The following SMPD4 variants were observed in gnomAD, a reference collection of about 807,000 sequenced individuals.
SMPD4 encodes neutral sphingomyelinase 3.
Under a neutral mutation model 97.8 loss-of-function variants are expected in SMPD4, and 58 were observed. The ratio of observed to expected loss-of-function variants is 0.59; its 90% CI spans 0.48 to 0.74. SMPD4 has a LOEUF of 0.74. Among genes scored for constraint, SMPD4 ranks in the 30% least tolerant of loss-of-function variants. The probability of loss-of-function intolerance (pLI) is 0.00; values close to 1 mark genes in which losing one functional copy is unlikely to be tolerated. For synonymous variants in SMPD4, 388 were observed against 450.0 expected (o/e 0.86, Z 1.74); for missense variants, 853 against 1,080.5 (o/e 0.79, Z 2.95).
rs58972698 is a variant in SMPD4, at chr2:130,171,135, CT to C, written c.659+1213del. On this transcript the variant is annotated intron_variant, in intron 8 of 19. Coordinates refer to ENST00000680298, the MANE Select transcript of SMPD4 (RefSeq NM_017951.5). ...AAACCATATATATATAATTTCTTTTCTTTTTTTTTTTTGTGTGTGTGTACAG... is the reference window on the plus strand; with the variant it reads ...AAACCATATATATATAATTTCTTTTCTTTTTTTTTTTGTGTGTGTGTACAG... Among the ~76,000 whole-genome samples the C allele has an allele frequency of 4.2e-4, 60 of 144,346 alleles. 2 individuals are homozygous for C. The highest frequency in any genetic ancestry group is 4.8e-4 in the Admixed American group (7 of 14,448). The allele number at this position is 144,346 out of a possible 152,430, so 94.7% of individuals were successfully genotyped here.
At chr2:130,156,165 G>T in intron 13 of SMPD4, 30 bp from the exon 14 acceptor site, 1 of 1,575,522 alleles carries the variant, frequency 6.3e-7, no homozygotes, top group Non-Finnish European at 8.7e-7. Flanking sequence ...TAAGGGCTCC[G>T]TGGCTGGGGG....
rs1686292635 is a variant in SMPD4, at chr2:130,152,072, CTT to C, written c.*481_*482del. ...TCTGGTTTTCTCACAACTCTAGAAA[CTT>C]TGATTCTTTCCTGGAGTGGAGACTT... On this transcript the variant is annotated 3_prime_UTR_variant, in exon 20 of 20. Coordinates refer to ENST00000680298, the MANE Select transcript of SMPD4 (RefSeq NM_017951.5). The C allele has an allele frequency of 6.4e-6, 1 of 155,160 alleles. No individual in the cohort carries two copies. Among genetic ancestry groups the C allele is most frequent in the African/African-American group, 2.4e-5 (1 of 41,484 alleles). The allele number at this position is 155,160 out of a possible 1,614,324, so 9.6% of individuals were successfully genotyped here.
intron 11 of SMPD4, chr2:130,157,639 A>G: frequency 1.4e-6 from 1 of 729,314 alleles, no homozygotes; most frequent in Admixed American, 3.1e-5. Flanking sequence ...CCCAGCGCCC[A>G]CACAGCCCTG....
At chr2:130,167,430 A>T in intron 9 of SMPD4, 28 bp downstream of exon 9, 1 of 1,612,150 alleles carries the variant, frequency 6.2e-7, no homozygotes. Flanking sequence ...CTGGCTGAAC[A>T]GTTTCTTTTG....
At position 130,152,515 on chromosome 2, in the gene SMPD4, G is replaced by A; in HGVS notation, c.*40C>T. On this transcript the variant is annotated 3_prime_UTR_variant, in exon 20 of 20. Transcript: ENST00000680298. ...TCTCAGCCCAAGGGTGGGGCTGTGT[G>A]GCAAATCCCTCCAGCCTGCTCTGAA... is the stretch of plus-strand genomic sequence containing the variant. 1 of 1,513,050 alleles carries A rather than the reference G, an allele frequency of 6.6e-7. No individual in the cohort carries two copies. Among genetic ancestry groups the A allele is most frequent in the Non-Finnish European group, 8.9e-7 (1 of 1,123,248 alleles). The allele number at this position is 1,513,050 out of a possible 1,614,324, so 93.7% of individuals were successfully genotyped here. A position where few individuals can be genotyped will look rare whatever the true frequency, so the allele number is the denominator to read the frequency against.
intron 8 of SMPD4, among the ~76,000 whole-genome samples, chr2:130,170,037 C>CAAAAAAAAAAAA (rs75700996): frequency 9.4e-6 from 1 of 106,472 alleles, no homozygotes. Flanking sequence ...CATATCTCCG[C>CAAAAAAAAAAAA]AAAAAAAAAA....
At chr2:130,155,358 T>C (rs1686674177) in intron 14 of SMPD4, 99 bp from the exon 15 acceptor site, 1 of 1,482,582 alleles carries the variant, frequency 6.7e-7, no homozygotes. Context: ...CCCTTGGGCT[T>C]TCAGACTCTC....
intron 1 of SMPD4, among the ~76,000 whole-genome samples, chr2:130,177,834 T>C (rs532543826): frequency 6.6e-6 from 1 of 152,320 alleles, no homozygotes; most frequent in East Asian, 1.9e-4. Context: ...CTAAATGCTC[T>C]CTATATATCT....
chr2:130,167,638 C>T (rs781023852), intron 8 of SMPD4, 48 bp from the exon 9 acceptor site: 2 of 1,545,436 alleles, frequency 1.3e-6, no homozygotes, highest in Admixed American at 1.9e-5. Context: ...CCCGCTGTAA[C>T]TCGCTCCCGC....
intron 14 of SMPD4, 72 bp from the exon 15 acceptor site, chr2:130,155,331 C>G: frequency 6.3e-7 from 1 of 1,578,430 alleles, no homozygotes; most frequent in Non-Finnish European, 8.6e-7. Flanking sequence ...GGTCCGTGCC[C>G]CTAATGCCCT....
chr2:130,167,288 T>A (rs1688028510), intron 9 of SMPD4, among the ~76,000 whole-genome samples, 170 bp downstream of exon 9: 1 of 152,094 alleles, frequency 6.6e-6, no homozygotes, highest in East Asian at 1.9e-4. Flanking sequence ...GCCCAACTAA[T>A]TTTTGTGTTT....
Position 130,155,156 on chromosome 2 carries a change from T to C in SMPD4, c.1393A>G (p.Met465Val). The C allele has an allele frequency of 6.2e-7, 1 of 1,614,152 alleles. No individual in the cohort carries two copies. The highest frequency in any genetic ancestry group is 2.2e-5 in the East Asian group (1 of 44,876). Residue 465 changes from methionine to valine, a missense_variant, in exon 15 of 20, where the codon ATG becomes GTG. This residue lies in a region of SMPD4 where 511 missense variants were observed against 608.1 expected (regional missense o/e 0.84). Transcript: ENST00000680298. ...TDLVSPKHAL[M>V]VFRVAKVFAQ... ...AAGACTTTGGCCACTCGGAACACCA[T>C]GAGCGCGTGCTTGGGGCTGACCAGG...
At chr2:130,155,005 C>G (rs1284195908) in intron 15 of SMPD4, 91 bp downstream of exon 15, 13 of 1,506,598 alleles carry the variant, frequency 8.6e-6, no homozygotes, top group African/African-American at 4.2e-5. Context: ...GCGTGTGGGT[C>G]CCTCTTAAAG....
intron 9 of SMPD4, among the ~76,000 whole-genome samples, chr2:130,165,794 C>A (rs752831373): frequency 3.3e-5 from 5 of 152,126 alleles, no homozygotes; most frequent in Non-Finnish European, 5.9e-5. Flanking sequence ...GTCTTGAACT[C>A]CCGGCCTTGA....
Position 130,152,858 on chromosome 2 carries a change from A to G in SMPD4, c.2181T>C (p.Cys727=), listed in dbSNP as rs747171970. 89 of 1,587,784 alleles carry G rather than the reference A, an allele frequency of 5.6e-5. No homozygotes were observed. Among genetic ancestry groups the G allele is most frequent in the Non-Finnish European group, 6.9e-5 (80 of 1,165,154 alleles). ...HRFAGQMAAL[C]SRDDFLGSFC... is the part of the protein sequence containing the mutation. ...AGCTGCCGAGGAAGTCATCCCGGGA[A>G]CACAGAGCCGCCATCTGTCCTGCAA... The change falls in exon 20 of 20, where the codon TGT becomes TGC. Residue 727 remains cysteine, a synonymous_variant. Coordinates refer to ENST00000680298, the MANE Select transcript of SMPD4 (RefSeq NM_017951.5).
rs763053546 is a variant in SMPD4, at chr2:130,167,487, C to T, written c.763G>A (p.Glu255Lys). Reference sequence around the variant, plus strand: ...AGCAGAGTTTCTGACCTCCAGATCTCGTGGGAGGCGGGGTCTGCATTCACA... The same window carrying T: ...AGCAGAGTTTCTGACCTCCAGATCTTGTGGGAGGCGGGGTCTGCATTCACA... ...TSVNADPASH[E>K]IWRSETLLQV... The change falls in exon 9 of 20, where the codon GAG becomes AAG. Residue 255 changes from glutamate to lysine, a missense_variant. Physicochemically the swap from Glu to Lys is moderately conservative, Grantham distance 56. Around this residue, in one of 3 missense-constraint regions of SMPD4, gnomAD observed 313 missense variants for 402.2 expected, o/e 0.78. Transcript: ENST00000680298. The T allele has an allele frequency of 3.1e-6, 5 of 1,613,768 alleles. No individual in the cohort carries two copies. Among genetic ancestry groups the T allele is most frequent in the Non-Finnish European group, 4.2e-6 (5 of 1,179,838 alleles).
intron 11 of SMPD4, among the ~76,000 whole-genome samples, chr2:130,158,920 T>C (rs112596384): frequency 1.3e-5 from 2 of 152,280 alleles, no homozygotes; most frequent in African/African-American, 4.8e-5. Flanking sequence ...AGTCTCCCCG[T>C]CAGGAAACTG....
At chr2:130,157,742 C>A in intron 11 of SMPD4, 1 of 336,158 alleles carries the variant, frequency 3.0e-6, no homozygotes, top group East Asian at 7.3e-5. Context: ...ACAGGCTGTG[C>A]CCTTGGGCGC....
In SMPD4 at chr2:130,157,224, T is replaced by C. The variant is rs2290296; in HGVS notation, c.1097+27A>G. ...GAGGGGAAAGTGGGGGAGACGGCAG[T>C]GGTGGGAAGCCGCAAGGGCCACCCA... On this transcript the variant is annotated intron_variant, in intron 12 of 19. Coordinates refer to ENST00000680298, the MANE Select transcript of SMPD4 (RefSeq NM_017951.5). The C allele has an allele frequency of 0.37, 576,686 of 1,546,312 alleles. 108,216 individuals are homozygous for C. The highest frequency in any genetic ancestry group is 0.44 in the Admixed American group (22,833 of 51,564).
Sources: gnomAD v4.1 joint callset for allele counts (sites outside exome capture counted in the v4.1 genomes callset) on GRCh38, gnomAD v4.1.1 for gene constraint, gnomAD v4.1.1 regional missense constraint, MANE v1.5 for transcripts, NCBI Gene and HGNC (gene_info 2026-07-23, HGNC 2026-07-21) for gene names.